The following SRRM4 variants were observed in gnomAD, a reference collection of about 807,000 sequenced individuals.
The protein encoded by SRRM4 is serine/arginine repetitive matrix 4, also known as serine/arginine repetitive matrix protein 4.
Under a neutral mutation model 68.9 loss-of-function variants are expected in SRRM4, and 33 were observed. That is an observed-to-expected ratio of 0.48 (90% CI 0.36 to 0.64). The LOEUF is 0.64. SRRM4 is among the 30% of genes least tolerant of loss of function. The pLI is 0.00. For missense variants in SRRM4, 817 were observed against 827.1 expected (o/e 0.99, Z 0.15); for synonymous variants, 318 against 318.8 (o/e 1.00, Z 0.03).
intron 6 of SRRM4, 111 bp from the exon 7 acceptor site, chr12:119,125,270 G>C (rs1214761739): frequency 1.1e-6 from 1 of 929,528 alleles, no homozygotes; most frequent in African/African-American, 1.6e-5. Context: ...CTTCGGGAGG[G>C]ATGGTGACCA....
intron 1 of SRRM4, among the ~76,000 whole-genome samples, chr12:119,012,160 C>A (rs777505410): frequency 6.6e-6 from 1 of 152,138 alleles, no homozygotes; most frequent in Non-Finnish European, 1.5e-5. Flanking sequence ...CTGGGATCAT[C>A]GTCTGGGAAT....
chr12:119,110,455 G>C (rs1954135442), intron 2 of SRRM4, among the ~76,000 whole-genome samples: 1 of 152,194 alleles, frequency 6.6e-6, no homozygotes, highest in Admixed American at 6.5e-5. Flanking sequence ...AGGCCTCCTT[G>C]AGCTGCAGTA....
chr12:119,058,653 T>C (rs555882314), intron 1 of SRRM4, among the ~76,000 whole-genome samples: 1 of 152,302 alleles, frequency 6.6e-6, no homozygotes, highest in East Asian at 1.9e-4. Flanking sequence ...TCCTTAGAAG[T>C]GTCAGCTACT....
intron 9 of SRRM4, among the ~76,000 whole-genome samples, chr12:119,149,064 T>C (rs1168179503): frequency 2.0e-5 from 3 of 152,136 alleles, no homozygotes; most frequent in Non-Finnish European, 4.4e-5. Flanking sequence ...ATAATAGCAT[T>C]GGCAGCTGGG....
At chr12:119,023,551 G>A (rs1203321941) in intron 1 of SRRM4, among the ~76,000 whole-genome samples, 1 of 152,214 alleles carries the variant, frequency 6.6e-6, no homozygotes, top group Non-Finnish European at 1.5e-5. Flanking sequence ...AGCAGAGCTT[G>A]AGCAGTCCTT....
intron 1 of SRRM4, among the ~76,000 whole-genome samples, chr12:119,042,049 C>T (rs375809151): frequency 2.0e-5 from 3 of 152,190 alleles, no homozygotes; most frequent in African/African-American, 7.2e-5. Context: ...TTGGAAATCA[C>T]TCAGTCCAAT....
chr12:119,157,054 A>C lies in SRRM4; in HGVS notation c.*256A>C. 2.1e-6 allele frequency: 1 copy of C among 471,432 alleles called. No homozygotes were observed. The highest frequency in any genetic ancestry group is 3.7e-6 in the Non-Finnish European group (1 of 273,046). 29.2% of individuals were successfully genotyped at this position (471,432 alleles called of 1,614,324 possible). A position where few individuals can be genotyped will look rare whatever the true frequency, so the allele number is the denominator to read the frequency against. On this transcript the variant is annotated 3_prime_UTR_variant, in exon 13 of 13. Transcript: ENST00000267260. The surrounding 1 kb of genome is among the most constrained non-coding windows in gnomAD (Gnocchi z 4.1). ...AAGAACCATCATCTTGTGGCACAAA[A>C]AAAGAAGAAAGAAAAGAAAACTTCA...
chr12:119,132,739 T>G (rs975551497), intron 8 of SRRM4, among the ~76,000 whole-genome samples: 1 of 152,166 alleles, frequency 6.6e-6, no homozygotes, highest in African/African-American at 2.4e-5. Flanking sequence ...AGGGTTCACC[T>G]GTACCTATAA....
chr12:118,991,149 C>G (rs532155925), intron 1 of SRRM4, among the ~76,000 whole-genome samples: 176 of 152,304 alleles, frequency 1.2e-3, no homozygotes, highest in Middle Eastern at 3.4e-3. Flanking sequence ...GCCATGGCCT[C>G]TAGCCTCTTC....
intron 8 of SRRM4, among the ~76,000 whole-genome samples, chr12:119,142,533 AG>A (rs1474401277): frequency 1.3e-5 from 2 of 152,222 alleles, no homozygotes; most frequent in Non-Finnish European, 2.9e-5. Flanking sequence ...ATGGTGCACC[AG>A]GAAAAATGAA....
At chr12:119,112,045 C>CAAAAAAAAGAAA (rs1954147716) in intron 2 of SRRM4, among the ~76,000 whole-genome samples, 1 of 137,558 alleles carries the variant, frequency 7.3e-6, no homozygotes, top group Non-Finnish European at 1.6e-5. Flanking sequence ...AACTGCGTCT[C>CAAAAAAAAGAAA]AAAAAAAAGA....
At chr12:119,049,647 G>C (rs1429756222) in intron 1 of SRRM4, among the ~76,000 whole-genome samples, 2 of 152,154 alleles carry the variant, frequency 1.3e-5, no homozygotes, top group South Asian at 4.1e-4. Flanking sequence ...CAGTTTTCTA[G>C]AACTACCATG....
intron 1 of SRRM4, among the ~76,000 whole-genome samples, chr12:119,021,881 A>C (rs1283827902): frequency 6.6e-6 from 1 of 152,218 alleles, no homozygotes; most frequent in Non-Finnish European, 1.5e-5. Flanking sequence ...ATAGTGCTGC[A>C]ATAAACATAC....
At chr12:119,006,845 T>C (rs1525972) in intron 1 of SRRM4, among the ~76,000 whole-genome samples, 2 of 152,202 alleles carry the variant, frequency 1.3e-5, no homozygotes, top group African/African-American at 4.8e-5. Flanking sequence ...GAGATGGGCA[T>C]GGTGGTGGGT....
At chr12:119,129,583 A>T (rs10161432) in intron 7 of SRRM4, among the ~76,000 whole-genome samples, 20,279 of 152,222 alleles carry the variant, frequency 0.13, 1,625 homozygotes, top group African/African-American at 0.21. Flanking sequence ...AGACATACAC[A>T]TAGTCACATG....
At position 119,161,870 on chromosome 12, in the gene SRRM4, A is replaced by G. The variant is rs758544514; in HGVS notation, c.*5072A>G. 3 of 152,326 alleles carry G rather than the reference A, an allele frequency of 2.0e-5. No homozygotes were observed. Among genetic ancestry groups the G allele is most frequent in the Non-Finnish European group, 4.4e-5 (3 of 68,022 alleles). 9.4% of individuals were successfully genotyped at this position (152,326 alleles called of 1,614,324 possible). A position where few individuals can be genotyped will look rare whatever the true frequency, so the allele number is the denominator to read the frequency against. On this transcript the variant is annotated 3_prime_UTR_variant, in exon 13 of 13. Transcript: ENST00000267260. ...TACACATGAACCAACTTCTATTAAA[A>G]AGTCACAACTCCTTGAAAAAAAAAA... is the stretch of plus-strand genomic sequence containing the variant.
intron 6 of SRRM4, 61 bp downstream of exon 6, chr12:119,122,181 T>C (rs1954223970): frequency 1.7e-6 from 2 of 1,184,188 alleles, no homozygotes; most frequent in South Asian, 1.2e-5. Flanking sequence ...TCTGGCTTCT[T>C]AAAAGCCAGA....
chr12:119,027,879 C>G (rs1393133249), intron 1 of SRRM4, among the ~76,000 whole-genome samples: 1 of 152,172 alleles, frequency 6.6e-6, no homozygotes, highest in African/African-American at 2.4e-5. Flanking sequence ...CTTTTATAAC[C>G]ACTGTGGTCT....
intron 1 of SRRM4, among the ~76,000 whole-genome samples, chr12:119,068,639 G>A (rs983204703): frequency 4.0e-4 from 61 of 152,048 alleles, no homozygotes; most frequent in African/African-American, 1.3e-3. Flanking sequence ...AGACCCCTGG[G>A]CACGGGAATC....
Sources: allele counts gnomAD v4.1 joint callset (sites outside exome capture counted in the v4.1 genomes callset), GRCh38; gene constraint gnomAD v4.1.1; non-coding constraint Gnocchi (gnomAD v3.1); transcripts MANE v1.5; gene names NCBI Gene and HGNC (gene_info 2026-07-23, HGNC 2026-07-21).